The following ITPR3 variants were observed in gnomAD, a reference collection of about 807,000 sequenced individuals.
ITPR3 encodes inositol 1,4,5-trisphosphate-gated calcium channel ITPR3.
Under a neutral mutation model 293.2 loss-of-function variants are expected in ITPR3, and 173 were observed. The ratio of observed to expected loss-of-function variants is 0.59; its 90% CI spans 0.52 to 0.67. ITPR3 has a LOEUF of 0.67. Ranked by LOEUF, ITPR3 falls within the 30% of genes least tolerant of loss-of-function variation. ITPR3 has a pLI of 0.00. For missense variants in ITPR3, 2,796 were observed against 3,592.1 expected, an observed-to-expected ratio of 0.78 and a Z score of 5.66; for synonymous variants, 1,295 against 1,444.4, an observed-to-expected ratio of 0.90 and a Z score of 2.35.
At chr6:33,639,154 G>C (rs1763889478) in intron 1 of ITPR3, among the ~76,000 whole-genome samples, 1 of 152,190 alleles carries the variant, frequency 6.6e-6, no homozygotes. Context: ...GCTGAGGCAG[G>C]TGGATCACGA....
At position 33,677,089 on chromosome 6, in the gene ITPR3, C is replaced by T; in HGVS notation, c.3522C>T (p.Gly1174=). 2.5e-6 allele frequency: 4 copies of T among 1,613,714 alleles called. No individual in the cohort carries two copies. The highest frequency in any genetic ancestry group is 3.4e-6 in the Non-Finnish European group (4 of 1,179,714). The part of the protein sequence containing the change: ...KSSENYQIVK[G]ILERLNKMCG... ...GTGAGAACTACCAGATCGTCAAGGG[C>T]GTGAGTGGCCAAGGGTCCTCGGGGT... Residue 1174 remains glycine (G), a splice_region_variant and synonymous_variant, in exon 27 of 58, where the codon GGC becomes GGT. Transcript: ENST00000605930.
Position 33,680,698 on chromosome 6 carries a change from C to T in ITPR3, c.4476+18C>T, listed in dbSNP as rs573841110. 34 of 1,606,136 alleles carry T rather than the reference C, an allele frequency of 2.1e-5. No individual in the cohort carries two copies. In the African/African-American group the frequency reaches 4.1e-4, roughly 20 times the overall value. On this transcript the variant is annotated intron_variant, in intron 33 of 57. Coordinates refer to ENST00000605930, the MANE Select transcript of ITPR3 (RefSeq NM_002224.4). ...CCCTGCAGGTGAGCTTCTCCTCTCC[C>T]ACCACCCCAGGGCCGACTTGCCTAG...
At position 33,667,916 on chromosome 6, in the gene ITPR3, C is replaced by T; in HGVS notation, c.1838C>T (p.Thr613Ile). Residue 613 changes from threonine (T) to isoleucine (I), a missense_variant, in exon 16 of 58, where the codon ACC becomes ATC. This residue lies in a region of ITPR3 where 955 missense variants were observed against 1,180.8 expected (regional missense o/e 0.81). Coordinates refer to ENST00000605930, the MANE Select transcript of ITPR3 (RefSeq NM_002224.4). This position sits in a 1 kb window ranked among gnomAD's most constrained non-coding sequence, Gnocchi z 4.4. ...RKLLEKHITK[T>I]EVETFVSLVR... ...CTCCTGGAAAAGCACATCACCAAGA[C>T]CGAGGTGGAGACCTTCGTCAGCCTT... 1 of 1,614,250 alleles carries T rather than the reference C, an allele frequency of 6.2e-7. No homozygotes were observed. The highest frequency in any genetic ancestry group is 8.5e-7 in the Non-Finnish European group (1 of 1,180,044).
At position 33,667,424 on chromosome 6, in the gene ITPR3, G is replaced by C. The variant is rs1259468202; in HGVS notation, c.1713+134G>C. 8.4e-7 allele frequency: 1 copy of C among 1,190,490 alleles called. No individual in the cohort carries two copies. The highest frequency in any genetic ancestry group is 1.1e-6 in the Non-Finnish European group (1 of 869,892). The allele number at this position is 1,190,490 out of a possible 1,614,324, so 73.7% of individuals were successfully genotyped here. On this transcript the variant is annotated intron_variant, in intron 15 of 57. Coordinates refer to ENST00000605930, the MANE Select transcript of ITPR3 (RefSeq NM_002224.4). This position sits in a 1 kb window ranked among gnomAD's most constrained non-coding sequence, Gnocchi z 4.4. Reference sequence around the variant, plus strand: ...CAGTAGGGCACCAGACAGCAGGGCCGGGTTCATGGGAATGGGACCTGGCCC... The same window carrying C: ...CAGTAGGGCACCAGACAGCAGGGCCCGGTTCATGGGAATGGGACCTGGCCC...
Position 33,655,863 on chromosome 6 carries a change from T to A in ITPR3, c.258T>A (p.Asp86Glu). Residue 86 changes from aspartate to glutamate, a missense_variant, in exon 3 of 58, where the codon GAT becomes GAA. Physicochemically the swap from Asp to Glu is conservative, Grantham distance 45. Transcript: ENST00000605930. This position sits in a 1 kb window ranked among gnomAD's most constrained non-coding sequence, Gnocchi z 4.9. ...AGCAGGACAAGGAGAAGATCGCTGA[T>A]GTGGTGTTGCTGCAGAAGCTGCAGG... ...QTKQDKEKIA[D>E]VVLLQKLQHA... 1 of 1,613,710 alleles carries A rather than the reference T, an allele frequency of 6.2e-7. No homozygotes were observed. Among genetic ancestry groups the A allele is most frequent in the Non-Finnish European group, 8.5e-7 (1 of 1,179,896 alleles).
chr6:33,687,366 G>C lies in ITPR3; in HGVS notation c.6177+39G>C, dbSNP rs1277600500. ...CCGTGGCAACGGCCATCACCCCCCT[G>C]GCCACCATACCCCGCCCCAGCTGCC... On this transcript the variant is annotated intron_variant, in intron 45 of 57. Transcript: ENST00000605930. The surrounding 1 kb of genome is among the most constrained non-coding windows in gnomAD (Gnocchi z 5.3). 1 of 1,521,786 alleles carries C rather than the reference G, an allele frequency of 6.6e-7. No homozygotes were observed. The highest frequency in any genetic ancestry group is 1.4e-5 in the African/African-American group (1 of 72,822). The allele number at this position is 1,521,786 out of a possible 1,614,324, so 94.3% of individuals were successfully genotyped here.
Position 33,670,392 on chromosome 6 carries a change from C to CA in ITPR3, c.2258dup (p.Gln754AlafsTer19), listed in dbSNP as rs1469385190. On this transcript the variant is annotated frameshift_variant, in exon 19 of 58. Coordinates refer to ENST00000605930, the MANE Select transcript of ITPR3 (RefSeq NM_002224.4). LOFTEE classifies it high-confidence loss of function. This position sits in a 1 kb window ranked among gnomAD's most constrained non-coding sequence, Gnocchi z 6.7. ...GTACTTGGCCATCGACGAGATCTCCCAGCAGCTGGGCGTGGACCTGATTTT... is the reference window on the plus strand; with the variant it reads ...GTACTTGGCCATCGACGAGATCTCCCAAGCAGCTGGGCGTGGACCTGATTTT... 1 of 1,614,166 alleles carries CA rather than the reference C, an allele frequency of 6.2e-7. No individual in the cohort carries two copies. Among genetic ancestry groups the CA allele is most frequent in the South Asian group, 1.1e-5 (1 of 91,086 alleles).
intron 18 of ITPR3, among the ~76,000 whole-genome samples, chr6:33,669,827 C>T (rs924434158): frequency 1.3e-5 from 2 of 152,230 alleles, no homozygotes; most frequent in African/African-American, 4.8e-5. Context: ...CCAGGGCCCA[C>T]ACCCAGGCTA....
chr6:33,665,680 C>T (rs969310203), intron 13 of ITPR3, among the ~76,000 whole-genome samples, 155 bp from the exon 14 acceptor site: 2 of 150,696 alleles, frequency 1.3e-5, no homozygotes, highest in South Asian at 2.1e-4. Context: ...AGGGGAAAGC[C>T]GGGAAGAGGA....
At chr6:33,671,052 T>C (rs2127283923) in intron 20 of ITPR3, 113 bp from the exon 21 acceptor site, 4 of 1,519,562 alleles carry the variant, frequency 2.6e-6, no homozygotes, top group Non-Finnish European at 3.6e-6. Context: ...GGGAACCCCG[T>C]CCTCATGACG....
intron 3 of ITPR3, among the ~76,000 whole-genome samples, chr6:33,657,241 C>T (rs1177021922): frequency 6.6e-6 from 1 of 152,220 alleles, no homozygotes; most frequent in African/African-American, 2.4e-5. Context: ...CTCCTGCCCT[C>T]CAGGAACCCC....
intron 2 of ITPR3, among the ~76,000 whole-genome samples, chr6:33,647,161 C>T (rs1764088413): frequency 6.6e-6 from 1 of 152,124 alleles, no homozygotes; most frequent in African/African-American, 2.4e-5. Flanking sequence ...GCTGGGACTA[C>T]AGGTGCGTGC....
At chr6:33,650,276 C>T (rs1211770810) in intron 2 of ITPR3, among the ~76,000 whole-genome samples, 7 of 152,046 alleles carry the variant, frequency 4.6e-5, no homozygotes, top group Non-Finnish European at 1.0e-4. Context: ...ATGTGTATGG[C>T]GACGGGCCCC....
intron 3 of ITPR3, among the ~76,000 whole-genome samples, chr6:33,656,726 T>G (rs2127259185): frequency 6.6e-6 from 1 of 152,322 alleles, no homozygotes; most frequent in East Asian, 1.9e-4. Flanking sequence ...GTGGGAGGCT[T>G]TGGCTGTGGT....
chr6:33,695,515 T>C (rs983202922), intron 57 of ITPR3, 197 bp from the exon 58 acceptor site: 3 of 605,670 alleles, frequency 5.0e-6, no homozygotes, highest in Non-Finnish European at 8.8e-6. Context: ...CCAGGGTTTG[T>C]GACACGCTAA....
At chr6:33,663,060 T>C in intron 9 of ITPR3, 54 bp downstream of exon 9, 1 of 1,486,062 alleles carries the variant, frequency 6.7e-7, no homozygotes, top group South Asian at 1.2e-5. Context: ...TACACGTGGG[T>C]GTGCGGGAAC....
Position 33,693,670 on chromosome 6 carries a change from A to G in ITPR3, c.7750A>G (p.Thr2584Ala), listed in dbSNP as rs1765456818. 1 of 1,614,174 alleles carries G rather than the reference A, an allele frequency of 6.2e-7. No individual in the cohort carries two copies. Among genetic ancestry groups the G allele is most frequent in the Non-Finnish European group, 8.5e-7 (1 of 1,180,026 alleles). ...CCGCGTGAAGAACAAGACCGACTAC[A>G]CGGGCCCTGAGAGCTACGTGGCCCA... ...LVRVKNKTDY[T>A]GPESYVAQMI... Residue 2584 changes from threonine (T) to alanine (A), a missense_variant, in exon 56 of 58, where the codon ACG becomes GCG. Coordinates refer to ENST00000605930, the MANE Select transcript of ITPR3 (RefSeq NM_002224.4).
chr6:33,688,615 A>AC (rs769095372), intron 48 of ITPR3, 41 bp from the exon 49 acceptor site: 2 of 1,611,764 alleles, frequency 1.2e-6, no homozygotes, highest in Admixed American at 3.3e-5. Flanking sequence ...GGGGGTGCTC[A>AC]CCAGGGCCCT....
Position 33,682,529 on chromosome 6 carries a change from C to A in ITPR3, c.4482C>A (p.His1494Gln). ...GGCTCTGTGACTTCTTGCAGACACA[C>A]CAGACGATTGTGGTGCAGCTGCTGC... is the stretch of plus-strand genomic sequence containing the variant. Reference protein sequence around the residue: ...FSENSTSLQTHQTIVVQLLQS... With the variant: ...FSENSTSLQTQQTIVVQLLQS... The change falls in exon 34 of 58, where the codon CAC (histidine) becomes CAA (glutamine). Residue 1494 changes from histidine to glutamine, a missense_variant. Physicochemically the swap from His to Gln is conservative, Grantham distance 24. This residue lies in a region of ITPR3 where 704 missense variants were observed against 797.5 expected (regional missense o/e 0.88). Coordinates refer to ENST00000605930, the MANE Select transcript of ITPR3 (RefSeq NM_002224.4). This position sits in a 1 kb window ranked among gnomAD's most constrained non-coding sequence, Gnocchi z 5.4. 6.5e-7 allele frequency: 1 copy of A among 1,538,260 alleles called. No homozygotes were observed. The highest frequency in any genetic ancestry group is 2.0e-5 in the Admixed American group (1 of 49,212).
Sources: gnomAD v4.1 joint callset for allele counts (sites outside exome capture counted in the v4.1 genomes callset) on GRCh38, gnomAD v4.1.1 for gene constraint, gnomAD v4.1.1 regional missense constraint, Gnocchi (gnomAD v3.1) non-coding constraint, MANE v1.5 for transcripts, NCBI Gene and HGNC (gene_info 2026-07-23, HGNC 2026-07-21) for gene names.